TAFA2: variants seen among roughly 807,000 people sequenced by gnomAD.
TAFA2 encodes the protein TAFA chemokine like family member 2, also known as chemokine-like protein TAFA-2.
In TAFA2, 7 loss-of-function variants were observed where a neutral mutation model predicts 18.8. The observed-to-expected ratio is 0.37, with a 90% CI of 0.21 to 0.70. The LOEUF (loss-of-function observed/expected upper bound fraction) is 0.70. Among genes scored for constraint, TAFA2 ranks in the 30% least tolerant of loss-of-function variants. The probability of loss-of-function intolerance (pLI) is 0.53; values close to 1 mark genes in which losing one functional copy is unlikely to be tolerated. For missense variants in TAFA2, 122 were observed against 158.1 expected (o/e 0.77, Z 1.23); for synonymous variants, 60 against 54.2 (o/e 1.11, Z -0.47).
rs553895071 is a variant in TAFA2 at position 62,024,032 on chromosome 12, G to A, written c.-1-156606C>T. 3.9e-5 allele frequency among the ~76,000 whole-genome samples: 6 copies of A among 152,070 alleles called. No homozygotes were observed. The East Asian group carries it at 7.7e-4, about 20-fold the overall frequency. On this transcript the variant is annotated intron_variant, in intron 1 of 4. Coordinates refer to ENST00000416284, the MANE Select transcript of TAFA2 (RefSeq NM_178539.5). ...TTGCAAGTTTTTCAATATTGGAATC[G>A]GTTGCCTTACCTCTACTGCTTGAAA...
intron 1 of TAFA2, chr12:61,880,013 G>C: frequency 2.7e-6 from 2 of 752,358 alleles, no homozygotes; most frequent in Middle Eastern, 7.2e-4. Context: ...GCATGAAGAG[G>C]AGATCTGGGA....
At chr12:62,019,475 G>A (rs974586268) in intron 1 of TAFA2, among the ~76,000 whole-genome samples, 5 of 149,938 alleles carry the variant, frequency 3.3e-5, no homozygotes, top group Non-Finnish European at 5.9e-5. Flanking sequence ...ATACACCATG[G>A]AATACTATGC....
intron 1 of TAFA2, among the ~76,000 whole-genome samples, chr12:62,106,371 C>CAAAAA (rs1208020747): frequency 1.3e-5 from 2 of 151,098 alleles, no homozygotes; most frequent in East Asian, 3.9e-4. Context: ...AACAAAAAAA[C>CAAAAA]AAAAACAAAA....
chr12:61,900,320 CAGCAACAATGTG>C (rs1876043066), intron 1 of TAFA2, among the ~76,000 whole-genome samples: 1 of 152,172 alleles, frequency 6.6e-6, no homozygotes, highest in Non-Finnish European at 1.5e-5. Context: ...ACATCCCCAC[CAGCAACAATGTG>C]TAAGTTTCCA....
chr12:61,908,397 C>T (rs1876456986), intron 1 of TAFA2, among the ~76,000 whole-genome samples: 1 of 151,964 alleles, frequency 6.6e-6, no homozygotes, highest in African/African-American at 2.4e-5. Context: ...CCATGTAAGA[C>T]AACAGGCAAG....
At chr12:61,815,752 T>C (rs1872057691) in intron 2 of TAFA2, among the ~76,000 whole-genome samples, 1 of 151,280 alleles carries the variant, frequency 6.6e-6, no homozygotes, top group Non-Finnish European at 1.5e-5. Context: ...GAGACAGAAT[T>C]TGAGAATCGC....
intron 4 of TAFA2, among the ~76,000 whole-genome samples, chr12:61,745,433 C>T (rs1432963846): frequency 6.6e-6 from 1 of 151,984 alleles, no homozygotes; most frequent in African/African-American, 2.4e-5. Flanking sequence ...GGTACTTTCA[C>T]TTCTTCCCTC....
intron 1 of TAFA2, among the ~76,000 whole-genome samples, chr12:62,228,303 T>G (rs2062796868): frequency 6.6e-6 from 1 of 152,210 alleles, no homozygotes; most frequent in Non-Finnish European, 1.5e-5. Context: ...TGGCTTGGGT[T>G]GATTTCATGT....
intron 1 of TAFA2, among the ~76,000 whole-genome samples, chr12:62,042,850 C>A (rs1881801076): frequency 6.6e-6 from 1 of 152,068 alleles, no homozygotes; most frequent in Admixed American, 6.6e-5. Context: ...TTAAACACAA[C>A]CTGTGTGGTG....
chr12:61,884,900 CCTGCCTTCTTTTATGAGTTTTT>C (rs1435594723), intron 1 of TAFA2, among the ~76,000 whole-genome samples: 1 of 152,104 alleles, frequency 6.6e-6, no homozygotes, highest in Non-Finnish European at 1.5e-5. Context: ...AATGTGGAAG[CCTGCCTTCTTTTATGAGTTTTT>C]CACTCCATTC....
intron 2 of TAFA2, among the ~76,000 whole-genome samples, chr12:61,801,881 A>C (rs540171028): frequency 1.3e-5 from 2 of 152,302 alleles, no homozygotes; most frequent in Middle Eastern, 3.4e-3. Context: ...TCTAATATCC[A>C]GAATATGCAA....
intron 1 of TAFA2, among the ~76,000 whole-genome samples, chr12:62,094,804 A>G (rs1868875037): frequency 6.6e-6 from 1 of 152,094 alleles, no homozygotes; most frequent in Admixed American, 6.6e-5. Context: ...ATAGAGCCAG[A>G]ACAGGAACAC....
At chr12:62,002,557 C>G (rs1437735992) in intron 1 of TAFA2, among the ~76,000 whole-genome samples, 1 of 152,272 alleles carries the variant, frequency 6.6e-6, no homozygotes, top group South Asian at 2.1e-4. Context: ...ACTCGCAAAC[C>G]CTCATTGTTG....
chr12:61,963,998 G>A (rs1878981557), intron 1 of TAFA2, among the ~76,000 whole-genome samples: 1 of 152,160 alleles, frequency 6.6e-6, no homozygotes. Flanking sequence ...TTAATAAATG[G>A]TGTTGGGAAA....
intron 1 of TAFA2, among the ~76,000 whole-genome samples, chr12:62,055,664 T>A (rs1390163837): frequency 1.3e-5 from 2 of 152,190 alleles, no homozygotes; most frequent in Non-Finnish European, 2.9e-5. Flanking sequence ...CTGGTTATAT[T>A]TTAGATCGCC....
At chr12:62,180,476 TAC>T (rs1285092626) in intron 1 of TAFA2, among the ~76,000 whole-genome samples, 1 of 152,224 alleles carries the variant, frequency 6.6e-6, no homozygotes, top group African/African-American at 2.4e-5. Flanking sequence ...TGCTAATATA[TAC>T]AGTTATAATC....
intron 4 of TAFA2, among the ~76,000 whole-genome samples, chr12:61,738,054 T>C (rs76674668): frequency 0.05 from 7,533 of 152,112 alleles, 616 homozygotes; most frequent in African/African-American, 0.17. Flanking sequence ...ATTCCATTAA[T>C]AGGAATTATT....
intron 1 of TAFA2, among the ~76,000 whole-genome samples, chr12:62,102,263 A>G (rs1371540750): frequency 6.6e-6 from 1 of 152,158 alleles, no homozygotes; most frequent in Non-Finnish European, 1.5e-5. Context: ...TCAGGTAGAA[A>G]CTATTGCTAT....
At chr12:61,855,717 A>G (rs1252727657) in intron 2 of TAFA2, among the ~76,000 whole-genome samples, 2 of 152,150 alleles carry the variant, frequency 1.3e-5, no homozygotes, top group Non-Finnish European at 2.9e-5. Context: ...TAAAAATCAC[A>G]TTAGTAGAAA....
Sources: gnomAD v4.1 joint callset for allele counts (sites outside exome capture counted in the v4.1 genomes callset) on GRCh38, gnomAD v4.1.1 for gene constraint, MANE v1.5 for transcripts, NCBI Gene and HGNC (gene_info 2026-07-23, HGNC 2026-07-21) for gene names.